The following LEMD1 variants were observed in gnomAD, a reference collection of about 807,000 sequenced individuals.
LEMD1 encodes the protein LEM domain containing 1, also known as LEM domain-containing protein 1.
A neutral mutation model predicts 17.4 loss-of-function variants in LEMD1; 18 were observed. That is an observed-to-expected ratio of 1.04 (90% CI 0.72 to 1.54). The LOEUF is 1.54. Ranked by LOEUF, LEMD1 falls within the 40% of genes most tolerant of loss-of-function variation. The pLI is 0.00. For missense variants in LEMD1, 195 were observed against 210.4 expected (o/e 0.93, Z 0.45); for synonymous variants, 88 against 77.8 (o/e 1.13, Z -0.69).
intron 4 of LEMD1, among the ~76,000 whole-genome samples, chr1:205,396,078 G>A (rs960443905): frequency 1.3e-5 from 2 of 152,074 alleles, no homozygotes; most frequent in African/African-American, 4.8e-5. Context: ...CAGGATCAAA[G>A]CTCATTGTAG....
At chr1:205,449,437 G>A (rs1666457240) in intron 1 of LEMD1, among the ~76,000 whole-genome samples, 1 of 151,970 alleles carries the variant, frequency 6.6e-6, no homozygotes, top group African/African-American at 2.4e-5. Context: ...ATCAGGCCCT[G>A]CCTCTGCCAG....
At chr1:205,410,803 G>C (rs1479716185) in intron 4 of LEMD1, among the ~76,000 whole-genome samples, 1 of 151,882 alleles carries the variant, frequency 6.6e-6, no homozygotes, top group Non-Finnish European at 1.5e-5. Context: ...GGAGGTCAAG[G>C]CTGCAGTGAA....
intron 4 of LEMD1, among the ~76,000 whole-genome samples, chr1:205,403,305 A>C (rs991633501): frequency 3.3e-5 from 5 of 151,914 alleles, no homozygotes; most frequent in Non-Finnish European, 5.9e-5. Flanking sequence ...CCTCTGGTAG[A>C]ATTTGGCTGT....
chr1:205,432,005 G>A (rs535096379), intron 1 of LEMD1, among the ~76,000 whole-genome samples: 1 of 152,108 alleles, frequency 6.6e-6, no homozygotes, highest in Middle Eastern at 3.4e-3. Flanking sequence ...GTAAGCCACC[G>A]CACCCGCCCA....
At chr1:205,409,268 T>C (rs991701762) in intron 4 of LEMD1, among the ~76,000 whole-genome samples, 3 of 152,284 alleles carry the variant, frequency 2.0e-5, no homozygotes, top group Non-Finnish European at 4.4e-5. Context: ...AATCACATTC[T>C]GCAGCACTTA....
chr1:205,414,731 T>A (rs1665613093), intron 4 of LEMD1, among the ~76,000 whole-genome samples: 1 of 152,064 alleles, frequency 6.6e-6, no homozygotes, highest in Non-Finnish European at 1.5e-5. Context: ...GCCAGAATTG[T>A]TTTTCAGTTA....
intron 4 of LEMD1, among the ~76,000 whole-genome samples, chr1:205,394,100 G>A (rs1455513818): frequency 6.8e-6 from 1 of 147,122 alleles, no homozygotes; most frequent in African/African-American, 2.5e-5. Context: ...AGCGAAAGAA[G>A]TGAAACACAA....
At chr1:205,395,204 G>A (rs968780598) in intron 4 of LEMD1, among the ~76,000 whole-genome samples, 4 of 152,118 alleles carry the variant, frequency 2.6e-5, no homozygotes, top group East Asian at 1.9e-4. Context: ...GTAAAACACC[G>A]ATGGAAAAAT....
chr1:205,435,913 C>T (rs1367707195), intron 1 of LEMD1: 1 of 152,274 alleles, frequency 6.6e-6, no homozygotes, highest in African/African-American at 2.4e-5. Flanking sequence ...TTTTCTCCAT[C>T]ACTTTTTCCC....
intron 4 of LEMD1, among the ~76,000 whole-genome samples, chr1:205,399,368 T>G (rs1403201877): frequency 1.3e-5 from 2 of 152,174 alleles, no homozygotes; most frequent in Non-Finnish European, 2.9e-5. Flanking sequence ...CAATTGGAGA[T>G]AAATAGAAAC....
At chr1:205,391,193 C>A (rs1414617805) in intron 4 of LEMD1, among the ~76,000 whole-genome samples, 3 of 152,026 alleles carry the variant, frequency 2.0e-5, no homozygotes, top group Non-Finnish European at 4.4e-5. Flanking sequence ...GTATTGGGAA[C>A]AAATTGGGGT....
At chr1:205,391,207 T>C (rs751933809) in intron 4 of LEMD1, among the ~76,000 whole-genome samples, 1 of 152,146 alleles carries the variant, frequency 6.6e-6, no homozygotes, top group Non-Finnish European at 1.5e-5. Context: ...TTGGGGTAGA[T>C]GTACTTCTCT....
intron 4 of LEMD1, among the ~76,000 whole-genome samples, chr1:205,390,428 C>T (rs2102352701): frequency 6.6e-6 from 1 of 151,286 alleles, no homozygotes; most frequent in Non-Finnish European, 1.5e-5. Flanking sequence ...AAGACATGTT[C>T]AAAAACCTAC....
rs752882691 is a variant in LEMD1, at chr1:205,448,393, A to T, written c.-39+1475T>A. On this transcript the variant is annotated intron_variant, in intron 1 of 3. Coordinates refer to the LEMD1 transcript ENST00000367154. The surrounding 1 kb of genome is among the most constrained non-coding windows in gnomAD (Gnocchi z 4.7). Reference sequence around the variant, plus strand: ...GGAATGAAAAGCCATAGGCCACAGCAGAGTGGAGGGGTCCAGCGGCAGGAA... The same window carrying T: ...GGAATGAAAAGCCATAGGCCACAGCTGAGTGGAGGGGTCCAGCGGCAGGAA... 2 of 534,358 alleles carry T rather than the reference A, an allele frequency of 3.7e-6. No homozygotes were observed. The highest frequency in any genetic ancestry group is 7.7e-6 in the Non-Finnish European group (2 of 260,008). 33.1% of individuals were successfully genotyped at this position (534,358 alleles called of 1,614,324 possible).
intron 1 of LEMD1, among the ~76,000 whole-genome samples, chr1:205,443,392 T>A (rs1195566387): frequency 1.6e-5 from 1 of 60,642 alleles, no homozygotes; most frequent in Non-Finnish European, 4.4e-5. Context: ...CTCCCCAGGG[T>A]CCTTTGGGGA....
intron 4 of LEMD1, among the ~76,000 whole-genome samples, chr1:205,414,094 T>G (rs1665582153): frequency 6.6e-6 from 1 of 151,946 alleles, no homozygotes; most frequent in South Asian, 2.1e-4. Context: ...TAAGAATTTG[T>G]TGGGTTGGAT....
At chr1:205,409,062 C>A (rs1038989418) in intron 4 of LEMD1, among the ~76,000 whole-genome samples, 2 of 152,040 alleles carry the variant, frequency 1.3e-5, no homozygotes, top group African/African-American at 2.4e-5. Flanking sequence ...TGATCTTGAA[C>A]TCCCGGGCTC....
chr1:205,422,227 C>G (rs1200627961), upstream of LEMD1, among the ~76,000 whole-genome samples: 1 of 152,214 alleles, frequency 6.6e-6, no homozygotes, highest in Non-Finnish European at 1.5e-5. Context: ...CATAGGCACA[C>G]TGCCATGATA....
Position 205,448,405 on chromosome 1 carries a change from T to A in LEMD1, c.-39+1463A>T, listed in dbSNP as rs757785975. 1.9e-6 allele frequency: 1 copy of A among 533,386 alleles called. No homozygotes were observed. Among genetic ancestry groups the A allele is most frequent in the South Asian group, 1.4e-5 (1 of 71,440 alleles). 33.0% of individuals were successfully genotyped at this position (533,386 alleles called of 1,614,324 possible). A position where few individuals can be genotyped will look rare whatever the true frequency, so the allele number is the denominator to read the frequency against. The stretch of plus-strand genomic sequence containing the variant: ...CATAGGCCACAGCAGAGTGGAGGGG[T>A]CCAGCGGCAGGAATCTCATAGGGAA... On this transcript the variant is annotated intron_variant, in intron 1 of 3. Transcript: ENST00000367154. This position sits in a 1 kb window ranked among gnomAD's most constrained non-coding sequence, Gnocchi z 4.7.
Sources: gnomAD v4.1 joint callset for allele counts (sites outside exome capture counted in the v4.1 genomes callset) on GRCh38, gnomAD v4.1.1 for gene constraint, Gnocchi (gnomAD v3.1) non-coding constraint, MANE v1.5 for transcripts, NCBI Gene and HGNC (gene_info 2026-07-23, HGNC 2026-07-21) for gene names.